The following IFITM10 variants were observed in gnomAD, a reference collection of about 807,000 sequenced individuals.
IFITM10 encodes interferon induced transmembrane protein 10.
IFITM10 carries 17 observed loss-of-function variants against 19.0 expected under a neutral mutation model. The observed-to-expected ratio is 0.90, with a 90% CI of 0.61 to 1.34. The LOEUF is 1.34. IFITM10 is among the 40% of genes most tolerant of loss of function. The probability of loss-of-function intolerance (pLI) is 0.00; values close to 1 mark genes in which losing one functional copy is unlikely to be tolerated. For synonymous variants in IFITM10, 148 were observed against 147.2 expected (o/e 1.01, Z -0.04); for missense variants, 306 against 319.8 (o/e 0.96, Z 0.33).
In IFITM10 at chr11:1,747,174, T is replaced by C. The variant is rs1054420150; in HGVS notation, c.537+493A>G. On this transcript the variant is annotated intron_variant, in intron 2 of 2. Coordinates refer to ENST00000340134, the MANE Select transcript of IFITM10 (RefSeq NM_001170820.4). ...GTCTCCACGCAGGGCTTGGCAGAGC[T>C]GTGTAAGCACCTGCCCTTGGGCTCC... 4.6e-5 allele frequency among the ~76,000 whole-genome samples: 7 copies of C among 152,246 alleles called. No individual in the cohort carries two copies. The East Asian group carries it at 7.7e-4, about 17-fold the overall frequency.
chr11:1,738,407 G>A (rs770135753), intron 2 of IFITM10, among the ~76,000 whole-genome samples: 3 of 152,236 alleles, frequency 2.0e-5, no homozygotes, highest in Non-Finnish European at 2.9e-5. Context: ...AGCATACGTC[G>A]AACCGTCATA....
intron 2 of IFITM10, among the ~76,000 whole-genome samples, chr11:1,742,514 A>C (rs374090527): frequency 3.7e-4 from 57 of 152,302 alleles, no homozygotes; most frequent in African/African-American, 1.3e-3. Flanking sequence ...GGAGGCACTC[A>C]GTGAATGGGT....
Position 1,750,389 on chromosome 11 carries a change from C to T in IFITM10, c.54G>A (p.Leu18=). The change falls in exon 1 of 3, where the codon TTG becomes TTA. Residue 18 remains leucine, a synonymous_variant. Coordinates refer to ENST00000340134, the MANE Select transcript of IFITM10 (RefSeq NM_001170820.4). The part of the protein sequence containing the change: ...PPCILSFRGT[L]ERVEAQWELE... Reference sequence around the variant, plus strand: ...GCTCCCACTGAGCCTCGACCCTCTCCAAAGTCCCCCGGAAGCTGAGGATGC... The same window carrying T: ...GCTCCCACTGAGCCTCGACCCTCTCTAAAGTCCCCCGGAAGCTGAGGATGC... 1 of 1,550,540 alleles carries T rather than the reference C, an allele frequency of 6.4e-7. No homozygotes were observed. The highest frequency in any genetic ancestry group is 1.2e-5 in the South Asian group (1 of 84,060).
chr11:1,735,469 G>T, intron 2 of IFITM10, 40 bp from the exon 3 acceptor site: 1 of 1,542,766 alleles, frequency 6.5e-7, no homozygotes. Context: ...CAGTCAGCCA[G>T]GGAGCAGGGC....
In IFITM10 at chr11:1,733,716, G is replaced by A; in HGVS notation, c.*1564C>T. Reference sequence around the variant, plus strand: ...CTTGGTACACAGCCCTCTCCACTGGGCTGTCCAAGTCAAGGGACAGGAATC... The same window carrying A: ...CTTGGTACACAGCCCTCTCCACTGGACTGTCCAAGTCAAGGGACAGGAATC... On this transcript the variant is annotated 3_prime_UTR_variant, in exon 3 of 3. Coordinates refer to ENST00000340134, the MANE Select transcript of IFITM10 (RefSeq NM_001170820.4). The surrounding 1 kb of genome is among the most constrained non-coding windows in gnomAD (Gnocchi z 6.3). 6.6e-6 allele frequency: 1 copy of A among 152,228 alleles called. No individual in the cohort carries two copies. Among genetic ancestry groups the A allele is most frequent in the Non-Finnish European group, 1.5e-5 (1 of 68,136 alleles). 9.4% of individuals were successfully genotyped at this position (152,228 alleles called of 1,614,324 possible).
At chr11:1,740,717 C>T (rs749141256) in intron 2 of IFITM10, among the ~76,000 whole-genome samples, 11 of 152,168 alleles carry the variant, frequency 7.2e-5, no homozygotes, top group South Asian at 2.1e-4. Context: ...TGAGAAGCAT[C>T]GGCAAAAAGA....
At chr11:1,745,751 C>T (rs1203408222) in intron 2 of IFITM10, 2 of 151,126 alleles carry the variant, frequency 1.3e-5, no homozygotes, top group South Asian at 2.1e-4. Flanking sequence ...TTTACACGTG[C>T]CATGCACACT....
intron 1 of IFITM10, chr11:1,748,895 T>C (rs1845684860): frequency 3.9e-6 from 1 of 255,546 alleles, no homozygotes; most frequent in East Asian, 1.8e-4. Flanking sequence ...TCGCTCGCGC[T>C]CTGCGCCACC....
At chr11:1,742,828 G>A (rs1845584313) in intron 2 of IFITM10, among the ~76,000 whole-genome samples, 1 of 152,162 alleles carries the variant, frequency 6.6e-6, no homozygotes, top group African/African-American at 2.4e-5. Context: ...TGAAGGAAAT[G>A]TGGGAGGATG....
chr11:1,736,459 A>C (rs568502182), intron 2 of IFITM10, among the ~76,000 whole-genome samples: 1 of 152,236 alleles, frequency 6.6e-6, no homozygotes, highest in East Asian at 1.9e-4. Context: ...TGGAAAGAAC[A>C]AAGGGAGAGG....
intron 2 of IFITM10, among the ~76,000 whole-genome samples, chr11:1,739,376 G>A (rs559294455): frequency 6.6e-6 from 1 of 152,224 alleles, no homozygotes; most frequent in East Asian, 1.9e-4. Context: ...GATGGTAGAT[G>A]GGTAGACAGA....
At chr11:1,749,083 G>A in intron 1 of IFITM10, 2 of 1,144,318 alleles carry the variant, frequency 1.7e-6, no homozygotes, top group Non-Finnish European at 1.1e-6. Context: ...CCGCCGTCCC[G>A]CGGGCCGCTG....
Position 1,748,442 on chromosome 11 carries a change from C to G in IFITM10, c.85-323G>C, listed in dbSNP as rs1037367870. On this transcript the variant is annotated intron_variant, in intron 1 of 2. Coordinates refer to ENST00000340134, the MANE Select transcript of IFITM10 (RefSeq NM_001170820.4). ...CTGAGACTGACACTGTTGCAAAACA[C>G]AGAGTGCCCCAGCACCCCAAACAAC... The G allele has an allele frequency of 1.9e-5, 6 of 324,242 alleles. No individual in the cohort carries two copies. The East Asian group carries it at 2.3e-4, about 12-fold the overall frequency. 20.1% of individuals were successfully genotyped at this position (324,242 alleles called of 1,614,324 possible). A position where few individuals can be genotyped will look rare whatever the true frequency, so the allele number is the denominator to read the frequency against.
intron 2 of IFITM10, among the ~76,000 whole-genome samples, chr11:1,736,733 ATGGAG>A (rs1408569949): frequency 6.6e-6 from 1 of 151,628 alleles, no homozygotes; most frequent in East Asian, 1.9e-4. Context: ...GGTGGAATGG[ATGGAG>A]TGGAGTGGAT....
chr11:1,737,352 C>T (rs922107908), intron 2 of IFITM10, among the ~76,000 whole-genome samples: 2 of 152,192 alleles, frequency 1.3e-5, no homozygotes, highest in Non-Finnish European at 2.9e-5. Context: ...ACAGCAAATA[C>T]TAGTATTTCT....
intron 2 of IFITM10, chr11:1,746,838 C>A (rs1845656090): frequency 5.0e-6 from 2 of 398,676 alleles, no homozygotes; most frequent in Admixed American, 8.8e-5. Context: ...GTGAGCCAAG[C>A]CCTTCCTTCC....
chr11:1,748,241 C>G, intron 1 of IFITM10, 122 bp from the exon 2 acceptor site: 1 of 776,244 alleles, frequency 1.3e-6, no homozygotes, highest in Non-Finnish European at 1.8e-6. Context: ...CCGCCAGCTG[C>G]CAGCCTGCCA....
In IFITM10 at chr11:1,750,545, C is replaced by T; in HGVS notation, c.-103G>A. 6.8e-7 allele frequency: 1 copy of T among 1,465,606 alleles called. No individual in the cohort carries two copies. The highest frequency in any genetic ancestry group is 9.2e-7 in the Non-Finnish European group (1 of 1,083,702). The allele number at this position is 1,465,606 out of a possible 1,614,324, so 90.8% of individuals were successfully genotyped here. On this transcript the variant is annotated 5_prime_UTR_variant, in exon 1 of 3. Transcript: ENST00000340134. ...CCTCTTTCCTGTCTGGAAGGCCAGT[C>T]CTGCTTGGGGTCCTGTCTGCCTGCC...
intron 2 of IFITM10, among the ~76,000 whole-genome samples, chr11:1,739,439 A>G (rs1023614494): frequency 8.5e-5 from 13 of 152,236 alleles, no homozygotes; most frequent in African/African-American, 2.7e-4. Context: ...TGCTCTGAGT[A>G]GTTGCTGTTC....
Sources: allele counts gnomAD v4.1 joint callset (sites outside exome capture counted in the v4.1 genomes callset), GRCh38; gene constraint gnomAD v4.1.1; non-coding constraint Gnocchi (gnomAD v3.1); transcripts MANE v1.5; gene names NCBI Gene and HGNC (gene_info 2026-07-23, HGNC 2026-07-21).